HS3ST2: variants seen among roughly 807,000 people sequenced by gnomAD.
HS3ST2 encodes heparan sulfate glucosamine 3-O-sulfotransferase 2.
HS3ST2 carries 17 observed loss-of-function variants against 26.3 expected under a neutral mutation model. The observed-to-expected ratio is 0.65, with a 90% CI of 0.44 to 0.97. The LOEUF (loss-of-function observed/expected upper bound fraction) is 0.97. Ranked by LOEUF, HS3ST2 falls within the 50% of genes least tolerant of loss-of-function variation. The probability of loss-of-function intolerance (pLI) is 0.00; values close to 1 mark genes in which losing one functional copy is unlikely to be tolerated. For synonymous variants in HS3ST2, 237 were observed against 219.2 expected, an observed-to-expected ratio of 1.08 and a Z score of -0.72; for missense variants, 402 against 501.2, an observed-to-expected ratio of 0.80 and a Z score of 1.89.
intron 1 of HS3ST2, among the ~76,000 whole-genome samples, chr16:22,851,118 T>A (rs1901513148): frequency 6.6e-6 from 1 of 152,128 alleles, no homozygotes; most frequent in Non-Finnish European, 1.5e-5. Flanking sequence ...CTGCAGGACA[T>A]CTTATAACTT....
chr16:22,891,758 G>A (rs559258628), intron 1 of HS3ST2, among the ~76,000 whole-genome samples: 7 of 152,038 alleles, frequency 4.6e-5, no homozygotes, highest in African/African-American at 9.7e-5. Flanking sequence ...TCAGAGACCC[G>A]ATGTAATATG....
intron 1 of HS3ST2, among the ~76,000 whole-genome samples, chr16:22,815,430 C>T (rs1900850073): frequency 1.3e-5 from 2 of 152,194 alleles, no homozygotes; most frequent in Admixed American, 1.3e-4. Context: ...AGGACCTGTG[C>T]TGCCTGAACA....
chr16:22,883,478 G>A (rs1184464508), intron 1 of HS3ST2, among the ~76,000 whole-genome samples: 1 of 152,242 alleles, frequency 6.6e-6, no homozygotes, highest in Non-Finnish European at 1.5e-5. Flanking sequence ...TTGGGTCTGT[G>A]CTATGTAGGG....
At chr16:22,848,990 C>G (rs892629397) in intron 1 of HS3ST2, among the ~76,000 whole-genome samples, 1 of 152,196 alleles carries the variant, frequency 6.6e-6, no homozygotes, top group African/African-American at 2.4e-5. Context: ...ACATTTAGAA[C>G]ATTTAAAAAT....
intron 1 of HS3ST2, among the ~76,000 whole-genome samples, chr16:22,904,766 A>G (rs934979445): frequency 6.6e-6 from 1 of 152,210 alleles, no homozygotes; most frequent in Admixed American, 6.5e-5. Flanking sequence ...AAATCCTGGT[A>G]AAGACTCTAT....
intron 1 of HS3ST2, among the ~76,000 whole-genome samples, chr16:22,890,341 C>T (rs1022776485): frequency 5.3e-5 from 8 of 152,134 alleles, no homozygotes; most frequent in Non-Finnish European, 8.8e-5. Flanking sequence ...ATGTTTTTCA[C>T]CATAATAGAA....
chr16:22,882,375 A>T (rs976225480), intron 1 of HS3ST2, among the ~76,000 whole-genome samples: 9 of 152,246 alleles, frequency 5.9e-5, no homozygotes, highest in African/African-American at 2.2e-4. Flanking sequence ...AAATTAAAAA[A>T]TGATATACAT....
intron 1 of HS3ST2, among the ~76,000 whole-genome samples, chr16:22,867,397 A>G (rs917276330): frequency 2.6e-5 from 4 of 152,246 alleles, no homozygotes; most frequent in Non-Finnish European, 5.9e-5. Context: ...AAAAATGTAA[A>G]ATATGTTTAC....
At chr16:22,839,921 C>T (rs1460792923) in intron 1 of HS3ST2, among the ~76,000 whole-genome samples, 1 of 152,140 alleles carries the variant, frequency 6.6e-6, no homozygotes, top group Non-Finnish European at 1.5e-5. Flanking sequence ...TTCACCTCAG[C>T]TTTTTAATGT....
intron 1 of HS3ST2, among the ~76,000 whole-genome samples, chr16:22,884,505 A>G (rs1212970884): frequency 1.3e-5 from 2 of 151,974 alleles, no homozygotes; most frequent in Non-Finnish European, 2.9e-5. Context: ...TCTATCCATA[A>G]TAGAAGGAGC....
At chr16:22,858,086 T>C (rs1283266210) in intron 1 of HS3ST2, among the ~76,000 whole-genome samples, 1 of 128,662 alleles carries the variant, frequency 7.8e-6, no homozygotes, top group East Asian at 2.8e-4. Flanking sequence ...CTTTAAGAGC[T>C]CTTAGGCATT....
chr16:22,865,396 T>C lies in HS3ST2; in HGVS notation c.486-49548T>C, dbSNP rs142908669. Among the ~76,000 whole-genome samples, 831 of 150,978 alleles carry C rather than the reference T, an allele frequency of 5.5e-3. 8 individuals are homozygous for C. Among genetic ancestry groups the C allele is most frequent in the African/African-American group, 0.019 (801 of 41,174 alleles). ...GGTGAAGCCCCGTCTCTACTAAAAATACACAAAAAATTAGCCGGGCATGGT... is the reference window on the plus strand; with the variant it reads ...GGTGAAGCCCCGTCTCTACTAAAAACACACAAAAAATTAGCCGGGCATGGT... On this transcript the variant is annotated intron_variant, in intron 1 of 1. Transcript: ENST00000261374.
intron 1 of HS3ST2, among the ~76,000 whole-genome samples, chr16:22,909,731 A>G (rs1176513602): frequency 6.6e-6 from 1 of 152,174 alleles, no homozygotes; most frequent in East Asian, 1.9e-4. Flanking sequence ...TTTGCAACTG[A>G]TAACACCAAT....
chr16:22,867,145 A>G (rs755356067), intron 1 of HS3ST2, among the ~76,000 whole-genome samples: 1 of 152,240 alleles, frequency 6.6e-6, no homozygotes, highest in Non-Finnish European at 1.5e-5. Context: ...AGAGTTTACT[A>G]TATGGCAAGG....
intron 1 of HS3ST2, among the ~76,000 whole-genome samples, chr16:22,864,054 C>A (rs1312532474): frequency 1.3e-5 from 2 of 152,320 alleles, no homozygotes; most frequent in African/African-American, 4.8e-5. Context: ...TCATGCCTGG[C>A]TCCTGCAGCA....
At chr16:22,817,533 A>G (rs1900889185) in intron 1 of HS3ST2, among the ~76,000 whole-genome samples, 1 of 152,214 alleles carries the variant, frequency 6.6e-6, no homozygotes, top group South Asian at 2.1e-4. Context: ...AGTCATACAC[A>G]TTAACTGCAG....
intron 1 of HS3ST2, among the ~76,000 whole-genome samples, chr16:22,831,480 C>T (rs930837543): frequency 1.3e-5 from 2 of 152,060 alleles, no homozygotes; most frequent in African/African-American, 2.4e-5. Context: ...GATTCAGCTC[C>T]GCAGTATTTT....
In HS3ST2 at chr16:22,915,903, G is replaced by A. The variant is rs1321829087; in HGVS notation, c.*341G>A. 1 of 265,242 alleles carries A rather than the reference G, an allele frequency of 3.8e-6. No individual in the cohort carries two copies. Among genetic ancestry groups the A allele is most frequent in the Non-Finnish European group, 7.2e-6 (1 of 139,740 alleles). 16.4% of individuals were successfully genotyped at this position (265,242 alleles called of 1,614,324 possible). On this transcript the variant is annotated 3_prime_UTR_variant, in exon 2 of 2. Coordinates refer to ENST00000261374, the MANE Select transcript of HS3ST2 (RefSeq NM_006043.2). Reference sequence around the variant, plus strand: ...AGATATTATAAGCGATGATGGTTCTGTTGCTATGAACACAGCAGTCGGTCC... The same window carrying A: ...AGATATTATAAGCGATGATGGTTCTATTGCTATGAACACAGCAGTCGGTCC...
chr16:22,849,103 G>A (rs1055021764), intron 1 of HS3ST2, among the ~76,000 whole-genome samples: 20 of 152,096 alleles, frequency 1.3e-4, no homozygotes, highest in Admixed American at 3.3e-4. Flanking sequence ...ATGATCTTCC[G>A]TGTGGCATGT....
Sources: allele counts gnomAD v4.1 joint callset (sites outside exome capture counted in the v4.1 genomes callset), GRCh38; gene constraint gnomAD v4.1.1; transcripts MANE v1.5; gene names NCBI Gene and HGNC (gene_info 2026-07-23, HGNC 2026-07-21).